Variants in NOVA1 observed in about 807,000 individuals in gnomAD.
NOVA1 encodes the protein NOVA alternative splicing regulator 1.
Under a neutral mutation model 38.0 loss-of-function variants are expected in NOVA1, and 7 were observed. The ratio of observed to expected loss-of-function variants is 0.18; its 90% CI spans 0.10 to 0.35. The LOEUF (loss-of-function observed/expected upper bound fraction) is 0.35. Ranked by LOEUF, NOVA1 falls within the 10% of genes least tolerant of loss-of-function variation. The pLI is 1.00. For missense variants in NOVA1, 460 were observed against 616.0 expected (o/e 0.75, Z 2.68); for synonymous variants, 270 against 232.5 (o/e 1.16, Z -1.47).
intron 2 of NOVA1, among the ~76,000 whole-genome samples, chr14:26,586,279 T>C (rs1027691439): frequency 6.6e-6 from 1 of 151,336 alleles, no homozygotes. Flanking sequence ...GAAAATAGTA[T>C]CAGAATTCTA....
intron 4 of NOVA1, among the ~76,000 whole-genome samples, chr14:26,459,925 A>G (rs979701056): frequency 6.6e-6 from 1 of 151,996 alleles, no homozygotes; most frequent in African/African-American, 2.4e-5. Flanking sequence ...TTAAAATTAA[A>G]TATTATTAGT....
chr14:26,500,195 T>TAC (rs1305321188), intron 2 of NOVA1, among the ~76,000 whole-genome samples: 1 of 152,086 alleles, frequency 6.6e-6, no homozygotes, highest in Non-Finnish European at 1.5e-5. Context: ...TTCACTAGCC[T>TAC]GTAGAGCTCA....
chr14:26,514,479 T>G (rs1888317829), intron 2 of NOVA1, among the ~76,000 whole-genome samples: 1 of 151,840 alleles, frequency 6.6e-6, no homozygotes, highest in Non-Finnish European at 1.5e-5. Flanking sequence ...GGCATTAACT[T>G]GTTAATATAA....
chr14:26,500,999 A>G (rs1205876669), intron 2 of NOVA1, among the ~76,000 whole-genome samples: 2 of 151,996 alleles, frequency 1.3e-5, no homozygotes, highest in Admixed American at 6.6e-5. Context: ...TACAATAAAC[A>G]TATTTAGTTT....
At chr14:26,523,186 A>G (rs941056067) in intron 2 of NOVA1, among the ~76,000 whole-genome samples, 15 of 152,224 alleles carry the variant, frequency 9.9e-5, no homozygotes, top group Admixed American at 4.6e-4. Context: ...TCAGAAACTC[A>G]CTGTGGTTGC....
chr14:26,443,112 GATTT>G lies in NOVA1; in HGVS notation c.*4843_*4846del, dbSNP rs1251560420. ...TAATTTGTGTTTAAAGCTATTTGCAGATTTATTAGAGAAACAAATACAAATATGC... is the reference window on the plus strand; with the variant it reads ...TAATTTGTGTTTAAAGCTATTTGCAGATTAGAGAAACAAATACAAATATGC... On this transcript the variant is annotated 3_prime_UTR_variant, in exon 5 of 5. Coordinates refer to ENST00000539517, the MANE Select transcript of NOVA1 (RefSeq NM_002515.3). The G allele has an allele frequency of 1.3e-5, 2 of 151,968 alleles. No homozygotes were observed. Among genetic ancestry groups the G allele is most frequent in the African/African-American group, 2.4e-5 (1 of 41,412 alleles). 9.4% of individuals were successfully genotyped at this position (151,968 alleles called of 1,614,324 possible).
chr14:26,503,541 A>G (rs1417146337), intron 2 of NOVA1, among the ~76,000 whole-genome samples: 1 of 152,142 alleles, frequency 6.6e-6, no homozygotes, highest in African/African-American at 2.4e-5. Flanking sequence ...GTACAATTCT[A>G]TTGGAATGGT....
At chr14:26,595,600 T>A in intron 1 of NOVA1, 47 bp from the exon 2 acceptor site, 4 of 1,564,272 alleles carry the variant, frequency 2.6e-6, no homozygotes, top group Non-Finnish European at 3.5e-6. Context: ...TATTTCAAAC[T>A]TTGTATCCCC....
At chr14:26,533,643 C>T (rs1889874559) in intron 2 of NOVA1, among the ~76,000 whole-genome samples, 1 of 152,252 alleles carries the variant, frequency 6.6e-6, no homozygotes, top group African/African-American at 2.4e-5. Flanking sequence ...ATGAGGAAAT[C>T]GTTATCAGAA....
At chr14:26,510,114 TCAC>T (rs1887957248) in intron 2 of NOVA1, among the ~76,000 whole-genome samples, 1 of 31,634 alleles carries the variant, frequency 3.2e-5, no homozygotes. Context: ...TCAGAAATAC[TCAC>T]TGAAAGAAGA....
intron 2 of NOVA1, among the ~76,000 whole-genome samples, chr14:26,581,117 T>A (rs1393064799): frequency 1.3e-5 from 2 of 152,046 alleles, no homozygotes; most frequent in Admixed American, 1.3e-4. Context: ...AATGACTGAT[T>A]AAAATAGTAC....
At chr14:26,597,145 G>A (rs1276523106) in intron 1 of NOVA1, 156 bp downstream of exon 1, 3 of 1,218,722 alleles carry the variant, frequency 2.5e-6, no homozygotes, top group African/African-American at 3.1e-5. Flanking sequence ...CAGGGGAGGG[G>A]GCGCGGGGCA....
At chr14:26,519,746 G>C (rs1888737555) in intron 2 of NOVA1, among the ~76,000 whole-genome samples, 1 of 151,466 alleles carries the variant, frequency 6.6e-6, no homozygotes, top group Admixed American at 6.6e-5. Flanking sequence ...CCTATGACTG[G>C]GAAAAACAAA....
At chr14:26,591,452 CT>C (rs1019877247) in intron 2 of NOVA1, among the ~76,000 whole-genome samples, 1 of 151,618 alleles carries the variant, frequency 6.6e-6, no homozygotes, top group Non-Finnish European at 1.5e-5. Context: ...TGTTACAGTT[CT>C]ATTTATCACT....
At chr14:26,597,235 C>A (rs1255499987) in intron 1 of NOVA1, 66 bp downstream of exon 1, 8 of 858,016 alleles carry the variant, frequency 9.3e-6, no homozygotes, top group Non-Finnish European at 1.1e-5. Context: ...GGGAGGACGG[C>A]GAGGGAGGGA....
At chr14:26,536,307 G>A (rs1425678743) in intron 2 of NOVA1, among the ~76,000 whole-genome samples, 2 of 151,468 alleles carry the variant, frequency 1.3e-5, no homozygotes, top group Non-Finnish European at 2.9e-5. Flanking sequence ...GTATAATAGG[G>A]CTACTATAGT....
intron 2 of NOVA1, among the ~76,000 whole-genome samples, chr14:26,498,729 G>A (rs1887018355): frequency 6.6e-6 from 1 of 152,086 alleles, no homozygotes; most frequent in Admixed American, 6.6e-5. Flanking sequence ...TATTTCTGAG[G>A]GAGACCTACA....
intron 2 of NOVA1, among the ~76,000 whole-genome samples, chr14:26,588,153 C>T (rs1261085898): frequency 6.7e-6 from 1 of 150,334 alleles, no homozygotes; most frequent in African/African-American, 2.4e-5. Context: ...TTCCACAGAA[C>T]TTCGAAATGT....
chr14:26,455,952 T>C (rs181294526), intron 4 of NOVA1, among the ~76,000 whole-genome samples: 195 of 152,126 alleles, frequency 1.3e-3, no homozygotes, highest in African/African-American at 4.4e-3. Flanking sequence ...TTTTACTAAA[T>C]TGAGGTTATA....
Sources: gnomAD v4.1 joint callset for allele counts (sites outside exome capture counted in the v4.1 genomes callset) on GRCh38, gnomAD v4.1.1 for gene constraint, MANE v1.5 for transcripts, NCBI Gene and HGNC (gene_info 2026-07-23, HGNC 2026-07-21) for gene names.